The following PTPRS variants were observed in gnomAD, a reference collection of about 807,000 sequenced individuals.
The protein encoded by PTPRS is protein tyrosine phosphatase receptor type S, also known as receptor-type tyrosine-protein phosphatase S.
In PTPRS, 63 loss-of-function variants were observed where a neutral mutation model predicts 215.3. That is an observed-to-expected ratio of 0.29 (90% CI 0.24 to 0.36). PTPRS has a LOEUF of 0.36. Among genes scored for constraint, PTPRS ranks in the 10% least tolerant of loss-of-function variants. The pLI, the probability that PTPRS is intolerant of heterozygous loss-of-function variation, is 1.00. For synonymous variants in PTPRS, 1,404 were observed against 1,191.4 expected (o/e 1.18, Z -3.68); for missense variants, 2,258 against 2,825.8 (o/e 0.80, Z 4.56).
rs1006087065 is a variant in PTPRS at position 5,294,911 on chromosome 19, C to T, written c.-94-8677G>A. On this transcript the variant is annotated intron_variant, in intron 1 of 37. Transcript: ENST00000262963. The surrounding 1 kb of genome is among the most constrained non-coding windows in gnomAD (Gnocchi z 5.1). Reference sequence around the variant, plus strand: ...CCCCCGTCCCACGCAGCCCCATCCTCGACGAGGTACACAGTAGGTGCTTCA... The same window carrying T: ...CCCCCGTCCCACGCAGCCCCATCCTTGACGAGGTACACAGTAGGTGCTTCA... 6.6e-6 allele frequency among the ~76,000 whole-genome samples: 1 copy of T among 152,160 alleles called. No individual in the cohort carries two copies. Among genetic ancestry groups the T allele is most frequent in the African/African-American group, 2.4e-5 (1 of 41,438 alleles).
rs560336703 is a variant in PTPRS, at chr19:5,222,522, G to A, written c.3103+167C>T. The stretch of plus-strand genomic sequence containing the variant: ...GGGGGCGGTGGTGCCACCGAGGCAC[G>A]TCCCACCTTTGCCAACGCCGGAGCC... On this transcript the variant is annotated intron_variant, in intron 18 of 37. Transcript: ENST00000262963. 5.7e-4 allele frequency among the ~76,000 whole-genome samples: 87 copies of A among 151,454 alleles called. 1 individual carries two copies. The highest frequency in any genetic ancestry group is 4.2e-4 in the South Asian group (2 of 4,784).
In PTPRS at chr19:5,330,981, T is replaced by G. The variant is rs573784410; in HGVS notation, c.-95+9683A>C. ...TGGGGCAGTGGAACCAGGACAGATG[T>G]GCAGAGGGAACCCATTAGCAATCTA... On this transcript the variant is annotated intron_variant, in intron 1 of 37. Coordinates refer to ENST00000262963, the MANE Select transcript of PTPRS (RefSeq NM_002850.4). 1.2e-4 allele frequency among the ~76,000 whole-genome samples: 19 copies of G among 152,202 alleles called. No individual in the cohort carries two copies. In the East Asian group the frequency reaches 2.7e-3, roughly 22 times the overall value.
chr19:5,224,495 G>A (rs1255435582), intron 17 of PTPRS, among the ~76,000 whole-genome samples: 1 of 152,162 alleles, frequency 6.6e-6, no homozygotes, highest in African/African-American at 2.4e-5. Flanking sequence ...TCTTTGTTTC[G>A]CACAGCCTGG....
At chr19:5,279,754 C>T (rs2047692096) in intron 2 of PTPRS, among the ~76,000 whole-genome samples, 1 of 152,054 alleles carries the variant, frequency 6.6e-6, no homozygotes, top group South Asian at 2.1e-4. Context: ...GTGATCTCGG[C>T]TCACTGCAAG....
chr19:5,228,312 T>C (rs1297115140), intron 16 of PTPRS, among the ~76,000 whole-genome samples: 22 of 124,588 alleles, frequency 1.8e-4, no homozygotes, highest in Admixed American at 7.9e-4. Context: ...GCCACTGTAC[T>C]CCAGCCCGGG....
rs944927451 is a variant in PTPRS at position 5,329,777 on chromosome 19, A to G, written c.-95+10887T>C. Among the ~76,000 whole-genome samples, 5 of 148,434 alleles carry G rather than the reference A, an allele frequency of 3.4e-5. No homozygotes were observed. In the East Asian group the frequency reaches 6.1e-4, roughly 18 times the overall value. On this transcript the variant is annotated intron_variant, in intron 1 of 37. Coordinates refer to ENST00000262963, the MANE Select transcript of PTPRS (RefSeq NM_002850.4). Reference sequence around the variant, plus strand: ...AACACTCCATCTCCTAAAAAAAAAAAAAAATTAAGAATTTCCAGGTCGGGC... The same window carrying G: ...AACACTCCATCTCCTAAAAAAAAAAGAAAATTAAGAATTTCCAGGTCGGGC...
chr19:5,260,490 T>C (rs1190359280), intron 7 of PTPRS, among the ~76,000 whole-genome samples: 1 of 152,164 alleles, frequency 6.6e-6, no homozygotes, highest in African/African-American at 2.4e-5. Flanking sequence ...TGCATGCTCA[T>C]TTTAGAGGTG....
chr19:5,320,300 T>C (rs1411574434), intron 1 of PTPRS, among the ~76,000 whole-genome samples: 1 of 151,658 alleles, frequency 6.6e-6, no homozygotes, highest in East Asian at 2.0e-4. Context: ...CCTGCCCCAG[T>C]GGGAGAGGGG....
At chr19:5,315,455 C>T (rs187096878) in intron 1 of PTPRS, among the ~76,000 whole-genome samples, 2 of 148,762 alleles carry the variant, frequency 1.3e-5, no homozygotes, top group Non-Finnish European at 3.0e-5. Flanking sequence ...CCTTGACCTC[C>T]TGGCCTCAAG....
At chr19:5,238,249 G>A (rs1372512971) in intron 13 of PTPRS, among the ~76,000 whole-genome samples, 2 of 152,148 alleles carry the variant, frequency 1.3e-5, no homozygotes, top group Non-Finnish European at 2.9e-5. Flanking sequence ...ACAGCCAACT[G>A]CCAGGTGAAG....
At chr19:5,222,094 C>T (rs1232006994) in intron 19 of PTPRS, 29 bp downstream of exon 19, 8 of 1,582,236 alleles carry the variant, frequency 5.1e-6, no homozygotes, top group Middle Eastern at 1.7e-4. Flanking sequence ...CCCTGCCTGC[C>T]TGCCTGCCTG....
At chr19:5,223,771 A>G (rs185534387) in intron 17 of PTPRS, among the ~76,000 whole-genome samples, 3,062 of 147,994 alleles carry the variant, frequency 0.021, 96 homozygotes, top group African/African-American at 0.075. Flanking sequence ...CATATTGGCC[A>G]GGCTGGTCTT....
intron 1 of PTPRS, among the ~76,000 whole-genome samples, chr19:5,289,451 A>C (rs934671809): frequency 3.3e-5 from 5 of 152,110 alleles, no homozygotes; most frequent in African/African-American, 1.2e-4. Flanking sequence ...CAAGCACCCG[A>C]GTCAGGGCTC....
chr19:5,298,976 TACTC>T (rs2049224042), intron 1 of PTPRS, among the ~76,000 whole-genome samples: 1 of 152,196 alleles, frequency 6.6e-6, no homozygotes, highest in Admixed American at 6.5e-5. Context: ...CCTAAATTTC[TACTC>T]ACTTTGTCCA....
intron 14 of PTPRS, 22 bp from the exon 15 acceptor site, chr19:5,229,706 G>GAGGGGCGGGC: frequency 9.9e-7 from 1 of 1,010,848 alleles, no homozygotes; most frequent in Non-Finnish European, 1.3e-6. Context: ...GAGGGGAGGG[G>GAGGGGCGGGC]AGGGGCGGGC....
intron 1 of PTPRS, among the ~76,000 whole-genome samples, chr19:5,302,356 C>A (rs1352865138): frequency 1.3e-5 from 2 of 152,054 alleles, no homozygotes; most frequent in African/African-American, 2.4e-5. Flanking sequence ...CAGAGGGAGG[C>A]CCTGTCTAGA....
chr19:5,268,006 A>G (rs1234324067), intron 4 of PTPRS, among the ~76,000 whole-genome samples: 1 of 152,054 alleles, frequency 6.6e-6, no homozygotes, highest in East Asian at 1.9e-4. Context: ...CGTCTCTACT[A>G]AACTACAAAG....
At chr19:5,221,449 C>T (rs1469256069) in intron 19 of PTPRS, among the ~76,000 whole-genome samples, 196 bp from the exon 20 acceptor site, 1 of 151,636 alleles carries the variant, frequency 6.6e-6, no homozygotes, top group Non-Finnish European at 1.5e-5. Flanking sequence ...TCACTGAACC[C>T]TGACCCCAGA....
At chr19:5,267,704 T>C (rs2046531263) in intron 4 of PTPRS, among the ~76,000 whole-genome samples, 1 of 146,580 alleles carries the variant, frequency 6.8e-6, no homozygotes, top group South Asian at 2.2e-4. Flanking sequence ...GGCAGACTAA[T>C]AACCGTGCCC....
Sources: allele counts gnomAD v4.1 joint callset (sites outside exome capture counted in the v4.1 genomes callset), GRCh38; gene constraint gnomAD v4.1.1; non-coding constraint Gnocchi (gnomAD v3.1); transcripts MANE v1.5; gene names NCBI Gene and HGNC (gene_info 2026-07-23, HGNC 2026-07-21).